The following PTPN13 variants were observed in gnomAD, a reference collection of about 807,000 sequenced individuals.
The protein encoded by PTPN13 is protein tyrosine phosphatase non-receptor type 13.
In PTPN13, 191 loss-of-function variants were observed where a neutral mutation model predicts 284.0. The observed-to-expected ratio is 0.67, with a 90% confidence interval of 0.60 to 0.76. The LOEUF (loss-of-function observed/expected upper bound fraction) is 0.76. Among genes scored for constraint, PTPN13 ranks in the 30% least tolerant of loss-of-function variants. PTPN13 has a pLI of 0.00. For missense variants in PTPN13, 2,797 were observed against 2,939.9 expected (o/e 0.95, Z 1.12); for synonymous variants, 986 against 1,022.3 (o/e 0.96, Z 0.68).
chr4:86,629,597 G>A (rs951628496), intron 1 of PTPN13, among the ~76,000 whole-genome samples: 2 of 151,898 alleles, frequency 1.3e-5, no homozygotes, highest in Non-Finnish European at 2.9e-5. Context: ...TTCTAATCTG[G>A]GTCATGCATT....
At chr4:86,811,295 A>G (rs537965100) in intron 47 of PTPN13, among the ~76,000 whole-genome samples, 187 bp downstream of exon 47, 1 of 152,298 alleles carries the variant, frequency 6.6e-6, no homozygotes, top group Non-Finnish European at 1.5e-5. Flanking sequence ...AATACTTCCA[A>G]GCTTTTTAAA....
chr4:86,687,223 T>G (rs1418454488), intron 4 of PTPN13, among the ~76,000 whole-genome samples: 1 of 152,186 alleles, frequency 6.6e-6, no homozygotes, highest in South Asian at 2.1e-4. Context: ...TTAGAGAATG[T>G]CATAGCTTTT....
At chr4:86,655,726 T>C (rs1725715037) in intron 2 of PTPN13, among the ~76,000 whole-genome samples, 2 of 152,114 alleles carry the variant, frequency 1.3e-5, no homozygotes, top group South Asian at 4.1e-4. Flanking sequence ...TGTCTTGGAG[T>C]TGTTCTTCTC....
At chr4:86,740,332 C>T (rs1242028646) in intron 15 of PTPN13, among the ~76,000 whole-genome samples, 1 of 152,186 alleles carries the variant, frequency 6.6e-6, no homozygotes, top group Non-Finnish European at 1.5e-5. Context: ...GCGAAGGTTC[C>T]CAGACCTCAG....
At chr4:86,595,668 C>G in intron 1 of PTPN13, 1 of 796,794 alleles carries the variant, frequency 1.3e-6, no homozygotes, top group Non-Finnish European at 1.5e-6. Flanking sequence ...AACGCGGTGA[C>G]TTCATAGGGA....
intron 31 of PTPN13, among the ~76,000 whole-genome samples, 178 bp downstream of exon 31, chr4:86,771,713 C>A (rs781599010): frequency 9.2e-5 from 14 of 152,170 alleles, no homozygotes; most frequent in East Asian, 1.9e-4. Flanking sequence ...GTTAGCAAAC[C>A]AATAAGCTCT....
At position 86,767,909 on chromosome 4, in the gene PTPN13, C is replaced by T; in HGVS notation, c.4422C>T (p.Ala1474=). The T allele has an allele frequency of 6.2e-7, 1 of 1,609,694 alleles. No individual in the cohort carries two copies. The change falls in exon 28 of 48, where the codon GCC becomes GCT. Residue 1474 remains alanine (A), a synonymous_variant. Coordinates refer to ENST00000411767, the MANE Select transcript of PTPN13 (RefSeq NM_080683.3). ...AGTGTACCCTTTCAGATCAGAATGC[C>T]CAAGGTCAAGGCCCAGAAAAAGTGA... The part of the protein sequence containing the change: ...TPQCTLSDQN[A]QGQGPEKVKK...
chr4:86,756,750 A>T (rs553272403), intron 20 of PTPN13, among the ~76,000 whole-genome samples: 18 of 152,298 alleles, frequency 1.2e-4, no homozygotes, highest in African/African-American at 4.3e-4. Context: ...TGACAAAATT[A>T]CTATTTGTTT....
chr4:86,730,272 C>T (rs575248239), intron 10 of PTPN13, among the ~76,000 whole-genome samples: 5 of 149,808 alleles, frequency 3.3e-5, no homozygotes, highest in African/African-American at 1.2e-4. Context: ...CCCAGTTAGG[C>T]TACAGGGGTC....
chr4:86,614,470 A>G (rs981024955), intron 1 of PTPN13, among the ~76,000 whole-genome samples: 1 of 152,160 alleles, frequency 6.6e-6, no homozygotes, highest in Non-Finnish European at 1.5e-5. Context: ...CAGTAAAGCT[A>G]TTATTTCTTG....
intron 35 of PTPN13, among the ~76,000 whole-genome samples, chr4:86,779,212 G>A (rs1436157740): frequency 6.6e-6 from 1 of 152,060 alleles, no homozygotes; most frequent in Non-Finnish European, 1.5e-5. Flanking sequence ...CCACCAGACT[G>A]CAATGCCAGT....
chr4:86,618,767 A>G (rs1720889120), intron 1 of PTPN13, among the ~76,000 whole-genome samples: 1 of 152,208 alleles, frequency 6.6e-6, no homozygotes, highest in Non-Finnish European at 1.5e-5. Context: ...TGATTTTTGT[A>G]CATTGATTTT....
intron 20 of PTPN13, among the ~76,000 whole-genome samples, chr4:86,756,232 A>G (rs1449898491): frequency 6.6e-6 from 1 of 151,902 alleles, no homozygotes; most frequent in Non-Finnish European, 1.5e-5. Context: ...CTTAAAGGCT[A>G]TACTGATTTC....
chr4:86,710,800 A>G (rs770436593), intron 7 of PTPN13, among the ~76,000 whole-genome samples: 1 of 152,186 alleles, frequency 6.6e-6, no homozygotes, highest in Non-Finnish European at 1.5e-5. Context: ...TTAAGTTTTT[A>G]TACCTCATTC....
intron 6 of PTPN13, among the ~76,000 whole-genome samples, chr4:86,698,773 G>GT (rs1261845214): frequency 1.1e-4 from 16 of 152,264 alleles, no homozygotes; most frequent in African/African-American, 3.8e-4. Flanking sequence ...AATGTATAGA[G>GT]TAGTTGGAGG....
chr4:86,647,586 G>A (rs571345120), intron 2 of PTPN13, among the ~76,000 whole-genome samples: 4 of 151,956 alleles, frequency 2.6e-5, no homozygotes, highest in South Asian at 2.1e-4. Flanking sequence ...ATGAGAAAAC[G>A]TTAAAAGTAG....
intron 3 of PTPN13, among the ~76,000 whole-genome samples, chr4:86,673,833 A>G (rs928736619): frequency 3.3e-5 from 5 of 152,074 alleles, no homozygotes; most frequent in South Asian, 2.1e-4. Flanking sequence ...TCAGACTCCC[A>G]AGTAGCTGGA....
At chr4:86,735,022 C>T (rs1207887712) in intron 14 of PTPN13, 147 bp downstream of exon 14, 1 of 839,602 alleles carries the variant, frequency 1.2e-6, no homozygotes. Flanking sequence ...CCAAGCACTC[C>T]ATGTATATCA....
intron 35 of PTPN13, among the ~76,000 whole-genome samples, chr4:86,779,359 G>C (rs962770426): frequency 5.9e-5 from 9 of 151,444 alleles, no homozygotes; most frequent in African/African-American, 2.2e-4. Context: ...GGAGCTTGCA[G>C]TGAGCCGAGA....
Sources: allele counts gnomAD v4.1 joint callset (sites outside exome capture counted in the v4.1 genomes callset), GRCh38; gene constraint gnomAD v4.1.1; transcripts MANE v1.5; gene names NCBI Gene and HGNC (gene_info 2026-07-23, HGNC 2026-07-21).